TAPT1: variants seen among roughly 807,000 people sequenced by gnomAD.
TAPT1 encodes the protein transmembrane anterior posterior transformation 1.
TAPT1 carries 28 observed loss-of-function variants against 65.6 expected under a neutral mutation model. The ratio of observed to expected loss-of-function variants is 0.43; its 90% CI spans 0.32 to 0.59. The LOEUF (loss-of-function observed/expected upper bound fraction) is 0.59, where lower values mean the gene tolerates loss of function less well. Ranked by LOEUF, TAPT1 falls within the 20% of genes least tolerant of loss-of-function variation. The pLI is 0.09. For synonymous variants in TAPT1, 278 were observed against 245.2 expected, an observed-to-expected ratio of 1.13 and a Z score of -1.25; for missense variants, 563 against 679.9, an observed-to-expected ratio of 0.83 and a Z score of 1.91.
At chr4:16,190,453 C>T (rs1749303516) in intron 4 of TAPT1, 1 of 152,170 alleles carries the variant, frequency 6.6e-6, no homozygotes, top group Admixed American at 6.5e-5. Flanking sequence ...ATTCTCCTAC[C>T]TCAGCCTCCC....
chr4:16,182,764 G>A (rs1258047456), intron 7 of TAPT1: 4 of 152,160 alleles, frequency 2.6e-5, no homozygotes, highest in African/African-American at 9.7e-5. Context: ...TTCAGCTAAC[G>A]CTTATGTTAA....
intron 7 of TAPT1, among the ~76,000 whole-genome samples, chr4:16,185,732 C>T (rs559103582): frequency 2.5e-4 from 38 of 152,136 alleles, no homozygotes; most frequent in Non-Finnish European, 3.8e-4. Flanking sequence ...ACAAGCGCTG[C>T]TTTGGATGAG....
intron 1 of TAPT1, among the ~76,000 whole-genome samples, chr4:16,219,744 ACAGAG>A (rs1428014574): frequency 6.6e-6 from 1 of 152,202 alleles, no homozygotes; most frequent in Non-Finnish European, 1.5e-5. Flanking sequence ...TGAGAGTTAA[ACAGAG>A]CAATTAATGG....
intron 12 of TAPT1, 89 bp from the exon 13 acceptor site, chr4:16,166,882 G>A: frequency 7.7e-7 from 1 of 1,296,372 alleles, no homozygotes; most frequent in South Asian, 1.3e-5. Context: ...AGGAGAAGGT[G>A]GGGGGGCATG....
intron 2 of TAPT1, among the ~76,000 whole-genome samples, chr4:16,208,696 T>C (rs1750480637): frequency 6.6e-6 from 1 of 152,256 alleles, no homozygotes; most frequent in Admixed American, 6.5e-5. Context: ...AGACCTCTTT[T>C]CTTCTAGATT....
chr4:16,167,137 G>A (rs1747694378), intron 12 of TAPT1, among the ~76,000 whole-genome samples: 1 of 151,838 alleles, frequency 6.6e-6, no homozygotes, highest in African/African-American at 2.4e-5. Context: ...GGGATTACAG[G>A]CATCCGCCAC....
chr4:16,196,132 G>T (rs931909278), intron 3 of TAPT1, among the ~76,000 whole-genome samples: 2 of 152,076 alleles, frequency 1.3e-5, no homozygotes, highest in African/African-American at 2.4e-5. Flanking sequence ...AAGTAAACTG[G>T]AATAAAGTAG....
chr4:16,221,772 T>C (rs1376686071), intron 1 of TAPT1, among the ~76,000 whole-genome samples: 1 of 152,190 alleles, frequency 6.6e-6, no homozygotes, highest in Non-Finnish European at 1.5e-5. Flanking sequence ...TTAAATAACA[T>C]AAAACTTTAG....
intron 2 of TAPT1, among the ~76,000 whole-genome samples, chr4:16,210,786 A>T (rs1485154770): frequency 1.3e-5 from 2 of 152,206 alleles, no homozygotes; most frequent in Non-Finnish European, 2.9e-5. Context: ...CTACATAAAC[A>T]GCAGAAGATC....
chr4:16,164,338 G>A lies in TAPT1; in HGVS notation c.1475-801C>T, dbSNP rs143020815. Among the ~76,000 whole-genome samples, 257 of 152,012 alleles carry A rather than the reference G, an allele frequency of 1.7e-3. 1 individual carries two copies. In the Middle Eastern group the frequency reaches 0.054, roughly 32 times the overall value. Reference sequence around the variant, plus strand: ...CGCTGTCTTTTGTCTCTTTTACAACGTGATGAATCTGATGCAGCTTTGAGA... The same window carrying A: ...CGCTGTCTTTTGTCTCTTTTACAACATGATGAATCTGATGCAGCTTTGAGA... On this transcript the variant is annotated intron_variant, in intron 13 of 13. Coordinates refer to ENST00000405303, the MANE Select transcript of TAPT1 (RefSeq NM_153365.3).
At position 16,163,047 on chromosome 4, in the gene TAPT1, A is replaced by C. The variant is rs1242151329; in HGVS notation, c.*261T>G. ...TTGCCTTTGTTGGGTCCTGGAAATGATGCTGCTGCTTGGCCAGGCAGGAGG... is the reference window on the plus strand; with the variant it reads ...TTGCCTTTGTTGGGTCCTGGAAATGCTGCTGCTGCTTGGCCAGGCAGGAGG... On this transcript the variant is annotated 3_prime_UTR_variant, in exon 14 of 14. Transcript: ENST00000405303. 2 of 555,996 alleles carry C rather than the reference A, an allele frequency of 3.6e-6. No individual in the cohort carries two copies. The highest frequency in any genetic ancestry group is 6.8e-6 in the Non-Finnish European group (2 of 292,518). 34.4% of individuals were successfully genotyped at this position (555,996 alleles called of 1,614,324 possible).
rs1272234363 is a variant in TAPT1, at chr4:16,161,260, A to G, written c.*2048T>C. On this transcript the variant is annotated 3_prime_UTR_variant, in exon 14 of 14. Transcript: ENST00000405303. ...GTGGGAAATTCACTCTACCAAATAC[A>G]ATAGTAAATATTAAAATAAATTCAG... is the stretch of plus-strand genomic sequence containing the variant. 1 of 152,672 alleles carries G rather than the reference A, an allele frequency of 6.5e-6. No homozygotes were observed. The highest frequency in any genetic ancestry group is 2.4e-5 in the African/African-American group (1 of 41,462). 9.5% of individuals were successfully genotyped at this position (152,672 alleles called of 1,614,324 possible).
chr4:16,164,118 A>G (rs1197055054), intron 13 of TAPT1, among the ~76,000 whole-genome samples: 1 of 152,182 alleles, frequency 6.6e-6, no homozygotes, highest in African/African-American at 2.4e-5. Context: ...ACTCATCTGA[A>G]TCATACATTC....
chr4:16,171,905 T>C (rs1748018636), intron 11 of TAPT1, among the ~76,000 whole-genome samples: 1 of 152,202 alleles, frequency 6.6e-6, no homozygotes, highest in Admixed American at 6.5e-5. Context: ...TTTTTTCGGA[T>C]ATAAAATCAT....
At position 16,170,029 on chromosome 4, in the gene TAPT1, A is replaced by G. The variant is rs1747893422; in HGVS notation, c.1313+624T>C. On this transcript the variant is annotated intron_variant, in intron 12 of 13. Transcript: ENST00000405303. ...TCCCGTTTCATTTTTCAGTAAGTTA[A>G]TTGACTGCCAGGTCTGGGTACTTTA... Among the ~76,000 whole-genome samples, 6 of 152,206 alleles carry G rather than the reference A, an allele frequency of 3.9e-5. 1 individual carries two copies. The South Asian group carries it at 1.0e-3, about 26-fold the overall frequency.
intron 1 of TAPT1, among the ~76,000 whole-genome samples, chr4:16,221,041 G>A (rs1416500262): frequency 6.6e-6 from 1 of 150,668 alleles, no homozygotes; most frequent in Non-Finnish European, 1.5e-5. Flanking sequence ...GCCGTCAACT[G>A]TGAATATGTA....
rs1462244843 is a variant in TAPT1, at chr4:16,226,469, A to T, written c.-12T>A. ...CCGACGCCCGCCATGTTCCGAGCAC[A>T]ACAAACTGTCCCCGCCGCCTCCCTC... On this transcript the variant is annotated 5_prime_UTR_variant, in exon 1 of 14. Coordinates refer to ENST00000405303, the MANE Select transcript of TAPT1 (RefSeq NM_153365.3). 9.5e-7 allele frequency: 1 copy of T among 1,054,678 alleles called. No individual in the cohort carries two copies. The highest frequency in any genetic ancestry group is 1.1e-6 in the Non-Finnish European group (1 of 877,432). 65.3% of individuals were successfully genotyped at this position (1,054,678 alleles called of 1,614,324 possible). A position where few individuals can be genotyped will look rare whatever the true frequency, so the allele number is the denominator to read the frequency against.
Position 16,186,967 on chromosome 4 carries a change from ACTTT to A in TAPT1, c.749-93_749-90del, listed in dbSNP as rs1578437157. 15 of 704,824 alleles carry A rather than the reference ACTTT, an allele frequency of 2.1e-5. No homozygotes were observed. The East Asian group carries it at 3.5e-4, about 17-fold the overall frequency. The allele number at this position is 704,824 out of a possible 1,614,324, so 43.7% of individuals were successfully genotyped here. A position where few individuals can be genotyped will look rare whatever the true frequency, so the allele number is the denominator to read the frequency against. On this transcript the variant is annotated intron_variant, in intron 5 of 13. Coordinates refer to ENST00000405303, the MANE Select transcript of TAPT1 (RefSeq NM_153365.3). ...ATTTTGAAAGTGAATAATAAAGATGACTTTCTTTTCTAAATTGTCTTAATAAGTA... is the reference window on the plus strand; with the variant it reads ...ATTTTGAAAGTGAATAATAAAGATGACTTTTCTAAATTGTCTTAATAAGTA...
At chr4:16,221,682 T>G (rs544829012) in intron 1 of TAPT1, among the ~76,000 whole-genome samples, 3 of 152,376 alleles carry the variant, frequency 2.0e-5, no homozygotes, top group Non-Finnish European at 4.4e-5. Context: ...TTTCTTAAAA[T>G]AGCATTGAGC....
Sources: gnomAD v4.1 joint callset for allele counts (sites outside exome capture counted in the v4.1 genomes callset) on GRCh38, gnomAD v4.1.1 for gene constraint, MANE v1.5 for transcripts, NCBI Gene and HGNC (gene_info 2026-07-23, HGNC 2026-07-21) for gene names.